Variants in GNAL observed in about 807,000 individuals in gnomAD.
GNAL encodes guanine nucleotide-binding protein G(olf) subunit alpha.
In GNAL, 18 loss-of-function variants were observed where a neutral mutation model predicts 55.1. That is an observed-to-expected ratio of 0.33 (90% CI 0.23 to 0.48). The LOEUF (loss-of-function observed/expected upper bound fraction) is 0.48, where lower values mean the gene tolerates loss of function less well. Ranked by LOEUF, GNAL falls within the 20% of genes least tolerant of loss-of-function variation. GNAL has a pLI of 0.99. For missense variants in GNAL, 412 were observed against 614.1 expected (o/e 0.67, Z 3.48); for synonymous variants, 253 against 237.0 (o/e 1.07, Z -0.62).
At chr18:11,833,931 G>A (rs1031544350) in intron 5 of GNAL, among the ~76,000 whole-genome samples, 1 of 152,148 alleles carries the variant, frequency 6.6e-6, no homozygotes, top group South Asian at 2.1e-4. Context: ...CCTTGTATTC[G>A]CTTCTGCCTG....
intron 4 of GNAL, among the ~76,000 whole-genome samples, chr18:11,762,188 C>T (rs993237592): frequency 3.3e-5 from 5 of 152,098 alleles, no homozygotes; most frequent in South Asian, 2.1e-4. Flanking sequence ...CAGTAGTTGG[C>T]GAAGATGGAA....
At chr18:11,813,828 T>C (rs1254608245) in intron 4 of GNAL, among the ~76,000 whole-genome samples, 3 of 151,996 alleles carry the variant, frequency 2.0e-5, no homozygotes, top group African/African-American at 7.2e-5. Flanking sequence ...CAGTGAGCTG[T>C]GATTGCACCA....
chr18:11,689,688 G>C lies in GNAL; in HGVS notation c.125G>C (p.Arg42Pro), dbSNP rs920804434. ...CCGGCCCCGGCCCTGGCCCCAGTCCGGGCGGCCGCAAGGGACACGGCCCGG... is the reference window on the plus strand; with the variant it reads ...CCGGCCCCGGCCCTGGCCCCAGTCCCGGCGGCCGCAAGGGACACGGCCCGG... Reference protein sequence around the residue: ...PAPAPALAPVRAAARDTARTL... With the variant: ...PAPAPALAPVPAAARDTARTL... The change falls in exon 1 of 12, where the codon CGG (arginine) becomes CCG (proline). Residue 42 changes from arginine (R) to proline (P), a missense_variant. By Grantham distance (103) the Arg-to-Pro change is moderately radical (BLOSUM62 -2). This residue lies in a region of GNAL where 228 missense variants were observed against 194.8 expected (regional missense o/e 1.17). Transcript: ENST00000334049. 3 of 1,463,932 alleles carry C rather than the reference G, an allele frequency of 2.0e-6. No homozygotes were observed. Among genetic ancestry groups the C allele is most frequent in the African/African-American group, 1.5e-5 (1 of 66,766 alleles). 90.7% of individuals were successfully genotyped at this position (1,463,932 alleles called of 1,614,324 possible). A position where few individuals can be genotyped will look rare whatever the true frequency, so the allele number is the denominator to read the frequency against.
At chr18:11,820,500 A>G (rs1457424033) in intron 4 of GNAL, among the ~76,000 whole-genome samples, 1 of 152,256 alleles carries the variant, frequency 6.6e-6, no homozygotes, top group Non-Finnish European at 1.5e-5. Context: ...TTGAAATAAC[A>G]TGATATGCTG....
At chr18:11,805,951 T>TC (rs2034647489) in intron 4 of GNAL, among the ~76,000 whole-genome samples, 1 of 152,236 alleles carries the variant, frequency 6.6e-6, no homozygotes, top group Non-Finnish European at 1.5e-5. Context: ...GTTGTGCTAA[T>TC]TTACATTCTT....
intron 1 of GNAL, among the ~76,000 whole-genome samples, chr18:11,719,824 C>T (rs8084813): frequency 0.013 from 1,979 of 152,268 alleles, 40 homozygotes; most frequent in African/African-American, 0.045. Flanking sequence ...CGGCCGTGGA[C>T]GGTGCAGAGC....
At chr18:11,729,707 T>C (rs2032292384) in intron 1 of GNAL, among the ~76,000 whole-genome samples, 1 of 152,246 alleles carries the variant, frequency 6.6e-6, no homozygotes, top group South Asian at 2.1e-4. Flanking sequence ...CATAAAATGC[T>C]GTAAACAGGA....
At chr18:11,833,466 C>G (rs1313843039) in intron 5 of GNAL, 1 of 152,182 alleles carries the variant, frequency 6.6e-6, no homozygotes, top group Non-Finnish European at 1.5e-5. Context: ...CTGTGTGTGG[C>G]CATCAGCCCC....
At chr18:11,742,234 G>A (rs975263569) in intron 1 of GNAL, among the ~76,000 whole-genome samples, 11 of 152,218 alleles carry the variant, frequency 7.2e-5, no homozygotes, top group Non-Finnish European at 1.5e-4. Context: ...ACTATAGTTC[G>A]TTGTTCATGT....
At chr18:11,783,613 C>A (rs570332941) in intron 4 of GNAL, among the ~76,000 whole-genome samples, 1 of 152,294 alleles carries the variant, frequency 6.6e-6, no homozygotes, top group South Asian at 2.1e-4. Flanking sequence ...GCCACCAATG[C>A]AATCCACCTA....
chr18:11,840,617 C>T (rs779094690), intron 5 of GNAL, among the ~76,000 whole-genome samples: 4 of 152,100 alleles, frequency 2.6e-5, no homozygotes, highest in African/African-American at 9.7e-5. Context: ...TCTAGGAGTC[C>T]TCAGACTTCC....
At chr18:11,693,351 T>C (rs1394162394) in intron 1 of GNAL, among the ~76,000 whole-genome samples, 2 of 152,212 alleles carry the variant, frequency 1.3e-5, no homozygotes, top group Non-Finnish European at 2.9e-5. Context: ...ATCAGCATCA[T>C]ATCTAAAATG....
intron 4 of GNAL, among the ~76,000 whole-genome samples, chr18:11,771,139 A>G (rs1161327771): frequency 1.3e-5 from 2 of 151,660 alleles, no homozygotes; most frequent in Non-Finnish European, 2.9e-5. Context: ...AATTGCTTGA[A>G]CCTGGGAGGC....
At chr18:11,834,251 G>A (rs1431440791) in intron 5 of GNAL, among the ~76,000 whole-genome samples, 1 of 152,138 alleles carries the variant, frequency 6.6e-6, no homozygotes, top group African/African-American at 2.4e-5. Flanking sequence ...GTTTTTCGCT[G>A]GACTCAACAT....
intron 4 of GNAL, among the ~76,000 whole-genome samples, chr18:11,772,928 C>T (rs73399831): frequency 0.031 from 4,684 of 152,312 alleles, 208 homozygotes; most frequent in African/African-American, 0.1. Flanking sequence ...CCTGCGAAGA[C>T]AGCATTGCCA....
chr18:11,713,801 G>A lies in GNAL; in HGVS notation c.376+23862G>A, dbSNP rs567103334. ...GCACCTCCGAGCTCCCTTTCCTGGA[G>A]CATAAAATGAAGATGGGAATGTCGT... is the stretch of plus-strand genomic sequence containing the variant. On this transcript the variant is annotated intron_variant, in intron 1 of 11. Transcript: ENST00000334049. 2.0e-5 allele frequency among the ~76,000 whole-genome samples: 3 copies of A among 152,172 alleles called. No homozygotes were observed. The East Asian group carries it at 5.8e-4, about 29-fold the overall frequency.
At chr18:11,727,371 C>G (rs985205371) in intron 1 of GNAL, among the ~76,000 whole-genome samples, 5 of 151,480 alleles carry the variant, frequency 3.3e-5, no homozygotes, top group African/African-American at 1.2e-4. Flanking sequence ...TATCTACCAG[C>G]TACCTTTTCA....
At position 11,780,595 on chromosome 18, in the gene GNAL, A is replaced by G. The variant is rs141940794; in HGVS notation, c.624+26650A>G. ...GTCAGCTCCAGTAAAGTGTGGTACA[A>G]TGGACTGAACCCAAAATGAAAAAGA... On this transcript the variant is annotated intron_variant, in intron 4 of 11. Transcript: ENST00000334049. 3.7e-3 allele frequency among the ~76,000 whole-genome samples: 565 copies of G among 152,284 alleles called. 3 individuals are homozygous for G. The highest frequency in any genetic ancestry group is 0.014 in the Middle Eastern group (4 of 294).
chr18:11,822,514 G>A (rs2035125787), intron 4 of GNAL, among the ~76,000 whole-genome samples: 1 of 152,190 alleles, frequency 6.6e-6, no homozygotes, highest in South Asian at 2.1e-4. Flanking sequence ...TGAGGCAGGA[G>A]GATTGCTTGA....
Sources: gnomAD v4.1 joint callset for allele counts (sites outside exome capture counted in the v4.1 genomes callset) on GRCh38, gnomAD v4.1.1 for gene constraint, gnomAD v4.1.1 regional missense constraint, MANE v1.5 for transcripts, NCBI Gene and HGNC (gene_info 2026-07-23, HGNC 2026-07-21) for gene names.